Variants in SPG21 observed in about 807,000 individuals in gnomAD.
SPG21 encodes maspardin.
SPG21 carries 26 observed loss-of-function variants against 38.9 expected under a neutral mutation model. The observed-to-expected ratio is 0.67, with a 90% confidence interval of 0.49 to 0.93. SPG21 has a LOEUF of 0.93. Ranked by LOEUF, SPG21 falls within the 40% of genes least tolerant of loss-of-function variation. The pLI, the probability that SPG21 is intolerant of heterozygous loss-of-function variation, is 0.00. For missense variants in SPG21, 333 were observed against 376.5 expected, an observed-to-expected ratio of 0.88 and a Z score of 0.96; for synonymous variants, 136 against 128.9, an observed-to-expected ratio of 1.05 and a Z score of -0.37.
At chr15:64,968,897 TTTTTA>T (rs2085603339) in intron 7 of SPG21, among the ~76,000 whole-genome samples, 1 of 152,130 alleles carries the variant, frequency 6.6e-6, no homozygotes, top group Non-Finnish European at 1.5e-5. Context: ...TTTTGATTCA[TTTTTA>T]TTTTTATTTT....
chr15:64,970,362 GT>G, intron 5 of SPG21, 140 bp from the exon 6 acceptor site: 1 of 701,300 alleles, frequency 1.4e-6, no homozygotes, highest in Admixed American at 2.3e-5. Flanking sequence ...TCAGCATCTA[GT>G]TTTTACACAC....
At chr15:64,972,936 A>C (rs1052220304) in intron 5 of SPG21, among the ~76,000 whole-genome samples, 1 of 152,242 alleles carries the variant, frequency 6.6e-6, no homozygotes, top group Non-Finnish European at 1.5e-5. Context: ...ACATTATTTG[A>C]AAACACTGAT....
At chr15:64,988,063 CA>C (rs2086032804) in intron 1 of SPG21, among the ~76,000 whole-genome samples, 1 of 151,326 alleles carries the variant, frequency 6.6e-6, no homozygotes, top group Non-Finnish European at 1.5e-5. Flanking sequence ...GCAACAACAA[CA>C]AAAACAAATT....
At chr15:64,969,689 T>TG (rs1364006808) in intron 6 of SPG21, among the ~76,000 whole-genome samples, 2 of 129,224 alleles carry the variant, frequency 1.5e-5, no homozygotes, top group Admixed American at 1.5e-4. Context: ...ATGTTTTTGT[T>TG]TTTTTTTTTT....
chr15:64,970,183 A>T lies in SPG21; in HGVS notation c.492T>A (p.Val164=). 6.2e-7 allele frequency: 1 copy of T among 1,614,134 alleles called. No individual in the cohort carries two copies. Among genetic ancestry groups the T allele is most frequent in the Non-Finnish European group, 8.5e-7 (1 of 1,180,016 alleles). The change falls in exon 6 of 9, where the codon GTT becomes GTA. Residue 164 remains valine (V), a synonymous_variant. Transcript: ENST00000204566. ...LMPAFMLKKI[V]LGNFSSGPVD... ...CCGGGCCAGATGAAAAATTTCCAAGAACTATTTTTTTGAGCATAAATGCAG... is the reference window on the plus strand; with the variant it reads ...CCGGGCCAGATGAAAAATTTCCAAGTACTATTTTTTTGAGCATAAATGCAG...
chr15:64,980,861 T>TA lies in SPG21; in HGVS notation c.225+2dup, dbSNP rs774554956. The TA allele has an allele frequency of 1.2e-6, 2 of 1,612,662 alleles. No homozygotes were observed. The highest frequency in any genetic ancestry group is 1.7e-6 in the Non-Finnish European group (2 of 1,179,852). On this transcript the variant is annotated splice_region_variant and intron_variant, in intron 3 of 8. Transcript: ENST00000204566. Reference sequence around the variant, plus strand: ...GGTCTGAATTTTAATCAGTAATACTTACAGCGATAACCCGGTAACCCCATC... The same window carrying TA: ...GGTCTGAATTTTAATCAGTAATACTTAACAGCGATAACCCGGTAACCCCATC...
At chr15:64,983,639 C>T (rs2085928821) in intron 1 of SPG21, 46 bp from the exon 2 acceptor site, 2 of 1,176,720 alleles carry the variant, frequency 1.7e-6, no homozygotes, top group Non-Finnish European at 2.5e-6. Context: ...TTCATGTTTA[C>T]ATCAGAACTA....
chr15:64,987,010 T>A (rs574271850), intron 1 of SPG21, among the ~76,000 whole-genome samples: 1 of 152,356 alleles, frequency 6.6e-6, no homozygotes, highest in Non-Finnish European at 1.5e-5. Flanking sequence ...AGCCAGAAAG[T>A]GTGCTTCTAG....
At chr15:64,983,471 T>A in intron 2 of SPG21, 36 bp downstream of exon 2, 1 of 1,418,304 alleles carries the variant, frequency 7.1e-7, no homozygotes, top group East Asian at 2.4e-5. Context: ...CAATACAAGA[T>A]TTTGCAAATA....
intron 2 of SPG21, among the ~76,000 whole-genome samples, chr15:64,982,022 A>G (rs980800212): frequency 6.6e-6 from 1 of 152,214 alleles, no homozygotes; most frequent in Non-Finnish European, 1.5e-5. Flanking sequence ...GAGCAAGGCA[A>G]AGTCCAGAGA....
chr15:64,976,373 C>T (rs749573508), intron 4 of SPG21, 102 bp downstream of exon 4: 10 of 782,802 alleles, frequency 1.3e-5, no homozygotes, highest in Non-Finnish European at 2.0e-5. Context: ...TGCGGTGAGC[C>T]GAGATCGCGC....
intron 1 of SPG21, among the ~76,000 whole-genome samples, chr15:64,986,429 T>G (rs1371681557): frequency 6.6e-6 from 1 of 151,790 alleles, no homozygotes; most frequent in Admixed American, 6.6e-5. Flanking sequence ...CTCACACCTG[T>G]AATCCCAGCA....
At chr15:64,969,458 T>C in intron 6 of SPG21, 96 bp from the exon 7 acceptor site, 1 of 904,160 alleles carries the variant, frequency 1.1e-6, no homozygotes, top group Non-Finnish European at 1.8e-6. Context: ...AAAGGTGGTA[T>C]CATCTGTGGT....
chr15:64,976,236 C>T (rs1363673063), intron 4 of SPG21, among the ~76,000 whole-genome samples: 2 of 151,664 alleles, frequency 1.3e-5, no homozygotes, highest in Non-Finnish European at 2.9e-5. Context: ...AGCAGCCTGG[C>T]CAACCTGGCG....
chr15:64,989,025 CTT>C (rs2086060681), intron 1 of SPG21: 2 of 149,944 alleles, frequency 1.3e-5, no homozygotes, highest in Admixed American at 1.3e-4. Context: ...TTTGTTGAAT[CTT>C]TGTGCCAAAA....
At chr15:64,985,565 G>A (rs1297190200) in intron 1 of SPG21, among the ~76,000 whole-genome samples, 1 of 152,180 alleles carries the variant, frequency 6.6e-6, no homozygotes, top group Non-Finnish European at 1.5e-5. Flanking sequence ...AATTCCACCA[G>A]GAAGGATTCA....
chr15:64,983,500 T>A lies in SPG21; in HGVS notation c.63+7A>T. On this transcript the variant is annotated splice_region_variant and intron_variant, in intron 2 of 8. Transcript: ENST00000204566. The stretch of plus-strand genomic sequence containing the variant: ...GCAAATAAGAGGTATAGTAAAACCA[T>A]ACATACCTTTTTAAGGGGAACTGTA... The A allele has an allele frequency of 6.4e-7, 1 of 1,565,000 alleles. No individual in the cohort carries two copies. The highest frequency in any genetic ancestry group is 1.2e-5 in the South Asian group (1 of 86,136).
intron 7 of SPG21, among the ~76,000 whole-genome samples, chr15:64,966,893 T>C (rs1294504908): frequency 9.7e-6 from 1 of 103,144 alleles, no homozygotes; most frequent in African/African-American, 3.9e-5. Flanking sequence ...AGTGAGACTT[T>C]GTCTCAAAAA....
At chr15:64,966,643 T>C (rs945591298) in intron 7 of SPG21, among the ~76,000 whole-genome samples, 1 of 152,220 alleles carries the variant, frequency 6.6e-6, no homozygotes, top group Non-Finnish European at 1.5e-5. Context: ...CTCACACCTG[T>C]AATCCCAGCA....
Sources: allele counts gnomAD v4.1 joint callset (sites outside exome capture counted in the v4.1 genomes callset), GRCh38; gene constraint gnomAD v4.1.1; transcripts MANE v1.5; gene names NCBI Gene and HGNC (gene_info 2026-07-23, HGNC 2026-07-21).